Variants in PCDHA3 observed in about 807,000 individuals in gnomAD.
PCDHA3 encodes protocadherin alpha 3, also known as protocadherin alpha-3.
PCDHA3 carries 41 observed loss-of-function variants against 62.2 expected under a neutral mutation model. That is an observed-to-expected ratio of 0.66 (90% CI 0.51 to 0.86). The LOEUF is 0.86. PCDHA3 is among the 40% of genes least tolerant of loss of function. PCDHA3 has a pLI of 0.00. For missense variants in PCDHA3, 1,304 were observed against 1,241.2 expected, an observed-to-expected ratio of 1.05 and a Z score of -0.76; for synonymous variants, 640 against 555.4, an observed-to-expected ratio of 1.15 and a Z score of -2.14.
chr5:140,946,165 G>C (rs1554217364), intron 1 of PCDHA3, among the ~76,000 whole-genome samples: 1 of 151,838 alleles, frequency 6.6e-6, no homozygotes, highest in Non-Finnish European at 1.5e-5. Context: ...TTAAAAGATG[G>C]GTAAAGGATG....
intron 1 of PCDHA3, chr5:140,834,461 A>C: frequency 6.3e-7 from 1 of 1,589,356 alleles, no homozygotes; most frequent in Non-Finnish European, 8.6e-7. Context: ...CTTGGGAGGC[A>C]GGGAGAGGCC....
chr5:140,876,815 T>G (rs782365798), intron 1 of PCDHA3: 1 of 1,614,148 alleles, frequency 6.2e-7, no homozygotes, highest in South Asian at 1.1e-5. Flanking sequence ...GTGGCCGACG[T>G]GAACGACAAT....
intron 1 of PCDHA3, among the ~76,000 whole-genome samples, chr5:140,885,442 T>A (rs2060596310): frequency 6.6e-6 from 1 of 152,180 alleles, no homozygotes; most frequent in African/African-American, 2.4e-5. Flanking sequence ...TGTGCAATTA[T>A]ATATTATTTA....
intron 3 of PCDHA3, among the ~76,000 whole-genome samples, chr5:140,995,541 G>T (rs1444257516): frequency 6.6e-5 from 10 of 152,186 alleles, no homozygotes; most frequent in Non-Finnish European, 1.3e-4. Context: ...CAAATAAGGG[G>T]CGATCACTGT....
At chr5:140,863,660 A>G (rs1439004370) in intron 1 of PCDHA3, 2 of 293,826 alleles carry the variant, frequency 6.8e-6, no homozygotes, top group Non-Finnish European at 1.3e-5. Flanking sequence ...TGATTGCTTT[A>G]TTTATTTTGC....
chr5:140,948,276 G>A (rs375889469), intron 1 of PCDHA3, among the ~76,000 whole-genome samples: 1 of 151,520 alleles, frequency 6.6e-6, no homozygotes, highest in East Asian at 1.9e-4. Context: ...TAGAATATCT[G>A]TAAATAATTT....
intron 1 of PCDHA3, chr5:140,868,995 A>G (rs944875255): frequency 4.0e-6 from 6 of 1,516,046 alleles, no homozygotes; most frequent in Non-Finnish European, 5.3e-6. Context: ...CCACCGTTTA[A>G]GGATCCTTTG....
At chr5:140,858,053 G>C (rs1233644213) in intron 1 of PCDHA3, 5 of 1,597,600 alleles carry the variant, frequency 3.1e-6, no homozygotes, top group Non-Finnish European at 4.3e-6. Flanking sequence ...TGTGTCGCTT[G>C]TGGAGGGCAG....
At chr5:140,832,011 C>T (rs2150198992) in intron 1 of PCDHA3, among the ~76,000 whole-genome samples, 7 of 152,126 alleles carry the variant, frequency 4.6e-5, no homozygotes, top group South Asian at 2.1e-4. Flanking sequence ...TTTCATTTTA[C>T]GTAAAGATTG....
intron 2 of PCDHA3, among the ~76,000 whole-genome samples, chr5:140,979,979 T>C (rs1007546118): frequency 6.6e-6 from 1 of 152,194 alleles, no homozygotes; most frequent in African/African-American, 2.4e-5. Flanking sequence ...ATGCATTAGA[T>C]TGAAATAAAT....
At position 140,809,611 on chromosome 5, in the gene PCDHA3, T is replaced by A. The variant is rs782280245; in HGVS notation, c.2394+6020T>A. 12 of 1,519,438 alleles carry A rather than the reference T, an allele frequency of 7.9e-6. No individual in the cohort carries two copies. The African/African-American group carries it at 8.4e-5, about 11-fold the overall frequency. The allele number at this position is 1,519,438 out of a possible 1,614,324, so 94.1% of individuals were successfully genotyped here. A position where few individuals can be genotyped will look rare whatever the true frequency, so the allele number is the denominator to read the frequency against. ...ATCCTTTTGTTTAATTTTCGTATTG[T>A]TTTTCTCTATCAACTTCTTCGTAAA... On this transcript the variant is annotated intron_variant, in intron 1 of 3. Transcript: ENST00000522353.
At position 140,802,792 on chromosome 5, in the gene PCDHA3, A is replaced by G. The variant is rs375690529; in HGVS notation, c.1595A>G (p.Gln532Arg). ...GACCACGAGGAGCTAGAGCTGCTGC[A>G]GTTCCAGGTGAGTGCGCGCGATGCG... is the stretch of plus-strand genomic sequence containing the variant. ...PLDHEELELL[Q>R]FQVSARDAGV... The change falls in exon 1 of 4, where the codon CAG becomes CGG. Residue 532 changes from glutamine (Q) to arginine (R), a missense_variant. Coordinates refer to ENST00000522353, the MANE Select transcript of PCDHA3 (RefSeq NM_018906.3). 1 of 1,613,318 alleles carries G rather than the reference A, an allele frequency of 6.2e-7. No homozygotes were observed. The highest frequency in any genetic ancestry group is 1.3e-5 in the African/African-American group (1 of 74,924).
intron 1 of PCDHA3, among the ~76,000 whole-genome samples, chr5:140,889,361 T>C (rs1005398759): frequency 2.0e-5 from 3 of 152,106 alleles, no homozygotes; most frequent in Non-Finnish European, 4.4e-5. Context: ...GATTACTGAC[T>C]CAATTTTAAT....
intron 1 of PCDHA3, chr5:140,858,677 T>A (rs1480959792): frequency 3.2e-6 from 2 of 629,026 alleles, no homozygotes; most frequent in African/African-American, 3.7e-5. Context: ...TTATTCTGAA[T>A]ACACTAATAT....
intron 1 of PCDHA3, among the ~76,000 whole-genome samples, chr5:140,925,526 C>T (rs2153578026): frequency 6.6e-6 from 1 of 152,028 alleles, no homozygotes; most frequent in Non-Finnish European, 1.5e-5. Flanking sequence ...AAATTAAAAG[C>T]GAGGAGAAAT....
intron 1 of PCDHA3, chr5:140,875,630 G>A: frequency 6.2e-7 from 1 of 1,613,686 alleles, no homozygotes. Context: ...CAGGACCTGG[G>A]GCTGGAGCTG....
chr5:140,976,679 G>A (rs1314378983), intron 1 of PCDHA3, among the ~76,000 whole-genome samples: 2 of 152,086 alleles, frequency 1.3e-5, no homozygotes, highest in African/African-American at 4.8e-5. Flanking sequence ...TCTCATTTTT[G>A]CAATTTAAGT....
chr5:140,870,704 T>A, intron 1 of PCDHA3: 1 of 1,612,984 alleles, frequency 6.2e-7, no homozygotes, highest in East Asian at 2.2e-5. Flanking sequence ...CAGTTCCAGG[T>A]GAGCGCGCGC....
At chr5:140,920,746 A>AG (rs1190651507) in intron 1 of PCDHA3, among the ~76,000 whole-genome samples, 2 of 151,430 alleles carry the variant, frequency 1.3e-5, no homozygotes, top group African/African-American at 4.8e-5. Context: ...CAGGAGGCTG[A>AG]GGCAGGAGAA....
Sources: gnomAD v4.1 joint callset for allele counts (sites outside exome capture counted in the v4.1 genomes callset) on GRCh38, gnomAD v4.1.1 for gene constraint, MANE v1.5 for transcripts, NCBI Gene and HGNC (gene_info 2026-07-23, HGNC 2026-07-21) for gene names.